CDH12: variants seen among roughly 807,000 people sequenced by gnomAD.
CDH12 encodes the protein cadherin 12, also known as cadherin-12.
CDH12 carries 41 observed loss-of-function variants against 74.1 expected under a neutral mutation model. The observed-to-expected ratio is 0.55, with a 90% confidence interval of 0.43 to 0.72. The LOEUF (loss-of-function observed/expected upper bound fraction) is 0.72, where lower values mean the gene tolerates loss of function less well. CDH12 is among the 30% of genes least tolerant of loss of function. The pLI is 0.00. For synonymous variants in CDH12, 399 were observed against 355.0 expected (o/e 1.12, Z -1.39); for missense variants, 945 against 977.2 (o/e 0.97, Z 0.44).
intron 6 of CDH12, among the ~76,000 whole-genome samples, chr5:21,884,729 A>G (rs1435260562): frequency 6.6e-6 from 1 of 152,182 alleles, no homozygotes; most frequent in African/African-American, 2.4e-5. Flanking sequence ...AGAAATATCC[A>G]ATTATGTGAC....
chr5:22,826,866 A>G (rs981516944), intron 1 of CDH12, among the ~76,000 whole-genome samples: 1 of 152,224 alleles, frequency 6.6e-6, no homozygotes, highest in Non-Finnish European at 1.5e-5. Context: ...AGCAGAGCAT[A>G]AAAGTTTGGA....
rs547075140 is a variant in CDH12 at position 21,980,159 on chromosome 5, AAC to A, written c.232-4776_232-4775del. Among the ~76,000 whole-genome samples the A allele has an allele frequency of 1.4e-3, 210 of 148,434 alleles. 1 individual carries two copies. The highest frequency in any genetic ancestry group is 0.014 in the Middle Eastern group (4 of 290). ...AACTTAAAGTATAATAAAAAAAAAAAACATACATACATATATGTATGGCATAT... is the reference window on the plus strand; with the variant it reads ...AACTTAAAGTATAATAAAAAAAAAAAATACATACATATATGTATGGCATAT... On this transcript the variant is annotated intron_variant, in intron 5 of 14. Transcript: ENST00000382254.
chr5:22,471,723 C>T (rs1442670745), intron 2 of CDH12, among the ~76,000 whole-genome samples: 2 of 152,138 alleles, frequency 1.3e-5, no homozygotes. Context: ...TCAGTCTTTG[C>T]CTTGCTCTAA....
chr5:22,310,689 T>G (rs1276050722), intron 3 of CDH12, among the ~76,000 whole-genome samples: 1 of 152,142 alleles, frequency 6.6e-6, no homozygotes, highest in African/African-American at 2.4e-5. Flanking sequence ...GAGAGCACAT[T>G]GCAGCTTAGA....
chr5:21,778,950 AAATT>A (rs1246436682), intron 11 of CDH12, among the ~76,000 whole-genome samples: 3 of 152,204 alleles, frequency 2.0e-5, no homozygotes, highest in African/African-American at 4.8e-5. Flanking sequence ...ATAACCTTAA[AAATT>A]AATTATCTAA....
intron 3 of CDH12, among the ~76,000 whole-genome samples, chr5:22,375,548 G>A (rs887558372): frequency 3.9e-5 from 6 of 152,066 alleles, no homozygotes; most frequent in Non-Finnish European, 8.8e-5. Flanking sequence ...CTATTCATCT[G>A]ACAAAGGACT....
intron 1 of CDH12, among the ~76,000 whole-genome samples, chr5:22,716,566 T>C (rs1298175020): frequency 4.0e-5 from 6 of 151,476 alleles, no homozygotes; most frequent in African/African-American, 1.2e-4. Flanking sequence ...ATTATTTTAG[T>C]GTGTGCTCCT....
intron 6 of CDH12, among the ~76,000 whole-genome samples, chr5:21,911,594 T>C (rs1292255619): frequency 6.6e-6 from 1 of 152,052 alleles, no homozygotes; most frequent in Non-Finnish European, 1.5e-5. Flanking sequence ...TGAGTTTCCT[T>C]ATAAGAATTC....
chr5:22,833,826 T>A (rs1328393969), intron 1 of CDH12, among the ~76,000 whole-genome samples: 3 of 152,184 alleles, frequency 2.0e-5, no homozygotes, highest in African/African-American at 7.2e-5. Context: ...AAAATCTTTT[T>A]AATTGACCAA....
intron 1 of CDH12, among the ~76,000 whole-genome samples, chr5:22,652,680 C>A (rs1237491975): frequency 6.6e-6 from 1 of 151,924 alleles, no homozygotes; most frequent in Non-Finnish European, 1.5e-5. Context: ...TTTACAAGTA[C>A]AAATTAGAAA....
At chr5:22,171,029 C>A (rs950949035) in intron 4 of CDH12, among the ~76,000 whole-genome samples, 4 of 151,664 alleles carry the variant, frequency 2.6e-5, no homozygotes, top group African/African-American at 7.3e-5. Flanking sequence ...GGTCTTTTTG[C>A]CAGTTTTAAC....
chr5:22,280,004 G>T (rs1736806749), intron 3 of CDH12, among the ~76,000 whole-genome samples: 1 of 152,128 alleles, frequency 6.6e-6, no homozygotes, highest in African/African-American at 2.4e-5. Flanking sequence ...CAGTGTAAAA[G>T]TGTTCCTATT....
chr5:22,693,377 C>A (rs1742185676), intron 1 of CDH12, among the ~76,000 whole-genome samples: 1 of 151,986 alleles, frequency 6.6e-6, no homozygotes, highest in Non-Finnish European at 1.5e-5. Flanking sequence ...TGGGGACTGG[C>A]GGGGGTGTGG....
At chr5:22,243,266 C>T (rs140515355) in intron 3 of CDH12, among the ~76,000 whole-genome samples, 50 of 152,128 alleles carry the variant, frequency 3.3e-4, no homozygotes, top group African/African-American at 1.1e-3. Context: ...AAAAAAAATC[C>T]AGTTTGTTGA....
In CDH12 at chr5:22,165,888, C is replaced by T. The variant is rs1407966190; in HGVS notation, c.-187+46610G>A. On this transcript the variant is annotated intron_variant, in intron 4 of 14. Transcript: ENST00000382254. ...GCCATGGCAAGATCAGGAAGTTACC[C>T]TATATGGTCTGTAAAGGGGAGGCAT... Among the ~76,000 whole-genome samples, 7 of 152,284 alleles carry T rather than the reference C, an allele frequency of 4.6e-5. No homozygotes were observed. The East Asian group carries it at 5.8e-4, about 13-fold the overall frequency.
intron 1 of CDH12, among the ~76,000 whole-genome samples, chr5:22,785,851 C>T (rs80107414): frequency 1.3e-5 from 2 of 152,126 alleles, no homozygotes; most frequent in Non-Finnish European, 2.9e-5. Flanking sequence ...CTTGAGGAAC[C>T]CTTACACACT....
chr5:22,057,666 C>G (rs1005839874), intron 5 of CDH12, among the ~76,000 whole-genome samples: 1 of 152,122 alleles, frequency 6.6e-6, no homozygotes, highest in African/African-American at 2.4e-5. Context: ...TCCTCTCCTC[C>G]TCTCTATTAC....
rs554385874 is a variant in CDH12, at chr5:21,940,367, G to A, written c.526+34724C>T. Among the ~76,000 whole-genome samples the A allele has an allele frequency of 4.1e-4, 62 of 152,218 alleles. 1 individual carries two copies. Among genetic ancestry groups the A allele is most frequent in the East Asian group, 7.7e-4 (4 of 5,182 alleles). ...GGGTGAGTCTACTTTTGTTTAAAACGTGTTATTTTCATTTATTTTTGAGCA... is the reference window on the plus strand; with the variant it reads ...GGGTGAGTCTACTTTTGTTTAAAACATGTTATTTTCATTTATTTTTGAGCA... On this transcript the variant is annotated intron_variant, in intron 6 of 14. Transcript: ENST00000382254.
chr5:22,522,801 T>G (rs550859926), intron 1 of CDH12, among the ~76,000 whole-genome samples: 2 of 152,194 alleles, frequency 1.3e-5, no homozygotes, highest in Admixed American at 1.3e-4. Flanking sequence ...TGATTTTGTG[T>G]TCTGTCATTC....
Sources: gnomAD v4.1 joint callset for allele counts (sites outside exome capture counted in the v4.1 genomes callset) on GRCh38, gnomAD v4.1.1 for gene constraint, MANE v1.5 for transcripts, NCBI Gene and HGNC (gene_info 2026-07-23, HGNC 2026-07-21) for gene names.